Variants in HEATR1 observed in about 807,000 individuals in gnomAD.
HEATR1 encodes the protein HEAT repeat-containing protein 1.
Under a neutral mutation model 248.2 loss-of-function variants are expected in HEATR1, and 77 were observed. That is an observed-to-expected ratio of 0.31 (90% CI 0.26 to 0.37). HEATR1 has a LOEUF of 0.37. Among genes scored for constraint, HEATR1 ranks in the 10% least tolerant of loss-of-function variants. The pLI is 1.00. For synonymous variants in HEATR1, 897 were observed against 923.1 expected (o/e 0.97, Z 0.51); for missense variants, 2,420 against 2,504.9 (o/e 0.97, Z 0.72).
intron 3 of HEATR1, among the ~76,000 whole-genome samples, chr1:236,601,827 C>T (rs1026589496): frequency 1.3e-5 from 2 of 150,878 alleles, no homozygotes; most frequent in African/African-American, 2.4e-5. Context: ...TCCTGACACT[C>T]AATAAAATAA....
chr1:236,592,377 G>T, intron 10 of HEATR1, 146 bp downstream of exon 10: 1 of 590,698 alleles, frequency 1.7e-6, no homozygotes, highest in South Asian at 2.2e-5. Context: ...AAATATTTTT[G>T]ATTCCGATAC....
At chr1:236,582,271 A>AT (rs1355930489) in intron 19 of HEATR1, among the ~76,000 whole-genome samples, 4 of 151,188 alleles carry the variant, frequency 2.6e-5, no homozygotes, top group East Asian at 1.9e-4. Context: ...CACCCGGCTA[A>AT]TTTTTTTTGT....
intron 20 of HEATR1, among the ~76,000 whole-genome samples, chr1:236,577,784 G>A (rs1012074195): frequency 8.6e-5 from 13 of 152,032 alleles, no homozygotes; most frequent in Non-Finnish European, 1.5e-4. Context: ...CATCAAACCC[G>A]GCCAAATCAT....
In HEATR1 at chr1:236,586,066, G is replaced by T. The variant is rs531954902; in HGVS notation, c.1928-125C>A. 1.0e-3 allele frequency: 1,343 copies of T among 1,336,376 alleles called. 4 individuals are homozygous for T. Among genetic ancestry groups the T allele is most frequent in the Non-Finnish European group, 1.3e-3 (1,260 of 970,006 alleles). 82.8% of individuals were successfully genotyped at this position (1,336,376 alleles called of 1,614,324 possible). A position where few individuals can be genotyped will look rare whatever the true frequency, so the allele number is the denominator to read the frequency against. ...TTGCTTTCTATTTTTCCTTGTATCC[G>T]ATTCTGAATTTGTCTATGAATTGGC... is the stretch of plus-strand genomic sequence containing the variant. On this transcript the variant is annotated intron_variant, in intron 15 of 44. Transcript: ENST00000366582.
At chr1:236,573,378 T>C (rs920977247) in intron 24 of HEATR1, among the ~76,000 whole-genome samples, 6 of 152,214 alleles carry the variant, frequency 3.9e-5, no homozygotes, top group Non-Finnish European at 5.9e-5. Context: ...AGAGATTCTT[T>C]AGATATGGGG....
At position 236,554,649 on chromosome 1, in the gene HEATR1, A is replaced by G; in HGVS notation, c.6027T>C (p.His2009=). ...LYKIFLFDTQ[H]FISKERAEAL... Reference sequence around the variant, plus strand: ...CTTCTGCTCTCTCTTTACTTATAAAATGCTGGGTATCAAAAAGGAAGATTT... The same window carrying G: ...CTTCTGCTCTCTCTTTACTTATAAAGTGCTGGGTATCAAAAAGGAAGATTT... The change falls in exon 42 of 45, where the codon CAT becomes CAC. Residue 2009 remains histidine (H), a synonymous_variant. Transcript: ENST00000366582. The G allele has an allele frequency of 6.2e-7, 1 of 1,613,506 alleles. No individual in the cohort carries two copies.
intron 19 of HEATR1, among the ~76,000 whole-genome samples, chr1:236,582,016 T>C (rs980179798): frequency 2.1e-5 from 3 of 142,838 alleles, no homozygotes; most frequent in Non-Finnish European, 3.0e-5. Context: ...ACAGGGCCCG[T>C]GCTATTATAT....
chr1:236,579,298 T>A (rs554749370), intron 20 of HEATR1, among the ~76,000 whole-genome samples: 2 of 152,314 alleles, frequency 1.3e-5, no homozygotes, highest in South Asian at 2.1e-4. Flanking sequence ...AAAGCCCAAA[T>A]TCTTCCACAC....
At chr1:236,596,136 G>C (rs1199470973) in intron 6 of HEATR1, 92 bp from the exon 7 acceptor site, 2 of 947,260 alleles carry the variant, frequency 2.1e-6, no homozygotes, top group Non-Finnish European at 3.2e-6. Context: ...ATGTCATAGA[G>C]ATTAATACAA....
chr1:236,577,658 T>C (rs1055578185), intron 20 of HEATR1, among the ~76,000 whole-genome samples: 5 of 151,966 alleles, frequency 3.3e-5, no homozygotes, highest in Admixed American at 2.0e-4. Flanking sequence ...CCGGCTAATT[T>C]TGTATTTTTA....
chr1:236,567,761 T>C (rs532499078), intron 29 of HEATR1, among the ~76,000 whole-genome samples: 28 of 152,190 alleles, frequency 1.8e-4, no homozygotes, highest in African/African-American at 1.9e-4. Flanking sequence ...GAGGCAGTAA[T>C]GGCACATGCC....
intron 24 of HEATR1, among the ~76,000 whole-genome samples, chr1:236,573,657 GAAA>G (rs999569959): frequency 3.1e-4 from 47 of 151,746 alleles, no homozygotes; most frequent in Middle Eastern, 6.8e-3. Context: ...TTTCAGCAAA[GAAA>G]AAGAAGGAAA....
chr1:236,563,526 C>A (rs555344192), intron 32 of HEATR1, among the ~76,000 whole-genome samples: 105 of 152,240 alleles, frequency 6.9e-4, no homozygotes, highest in Non-Finnish European at 1.1e-3. Context: ...CCCGCCTCGG[C>A]CTCCCAAAGT....
chr1:236,563,692 T>A (rs1663196670), intron 32 of HEATR1, among the ~76,000 whole-genome samples: 1 of 152,242 alleles, frequency 6.6e-6, no homozygotes, highest in Admixed American at 6.5e-5. Flanking sequence ...TTTACAGTAC[T>A]CTAATGTCAA....
chr1:236,586,912 C>T (rs973546463), intron 14 of HEATR1, among the ~76,000 whole-genome samples: 1 of 152,006 alleles, frequency 6.6e-6, no homozygotes, highest in African/African-American at 2.4e-5. Context: ...TACAAAAACA[C>T]GTAAGACACA....
intron 12 of HEATR1, among the ~76,000 whole-genome samples, chr1:236,590,374 G>A (rs561330042): frequency 1.3e-5 from 2 of 152,138 alleles, no homozygotes; most frequent in South Asian, 2.1e-4. Flanking sequence ...ACCAAAGCGT[G>A]TGCCACCAAA....
Position 236,558,313 on chromosome 1 carries a change from C to T in HEATR1, c.5128G>A (p.Val1710Ile). The T allele has an allele frequency of 6.2e-7, 1 of 1,614,238 alleles. No individual in the cohort carries two copies. The highest frequency in any genetic ancestry group is 8.5e-7 in the Non-Finnish European group (1 of 1,180,046). Residue 1710 changes from valine to isoleucine, a missense_variant, in exon 36 of 45, where the codon GTC becomes ATC. By Grantham distance (29) the Val-to-Ile change is conservative. Transcript: ENST00000366582. The stretch of plus-strand genomic sequence containing the variant: ...ATGCACAGCAGCGCGCTTCCCAGGA[C>T]ATTCTTCTCCTCCTTTCTCTCTGGA... ...IAPERKEEKN[V>I]LGSALLCIAE...
At chr1:236,555,229 G>A in intron 41 of HEATR1, 67 bp downstream of exon 41, 2 of 1,518,156 alleles carry the variant, frequency 1.3e-6, no homozygotes, top group Non-Finnish European at 1.8e-6. Flanking sequence ...ACTAGGTTGT[G>A]TCTTACTGGT....
chr1:236,585,842 T>G lies in HEATR1; in HGVS notation c.2027A>C (p.Asp676Ala), dbSNP rs747100163. The change falls in exon 16 of 45, where the codon GAT becomes GCT. Residue 676 changes from aspartate to alanine, a missense_variant. By Grantham distance (126) the Asp-to-Ala change is moderately radical (BLOSUM62 -2). Transcript: ENST00000366582. Reference sequence around the variant, plus strand: ...TACCATCTTTAACATTGAAGAAGGATCTCCTAAATTTATATTATCAGCCAA... The same window carrying G: ...TACCATCTTTAACATTGAAGAAGGAGCTCCTAAATTTATATTATCAGCCAA... ...ELLADNINLGDPSSMLKMVED... is the reference protein window; with the variant it reads ...ELLADNINLGAPSSMLKMVED... 1 of 1,612,566 alleles carries G rather than the reference T, an allele frequency of 6.2e-7. No homozygotes were observed.
Sources: gnomAD v4.1 joint callset for allele counts (sites outside exome capture counted in the v4.1 genomes callset) on GRCh38, gnomAD v4.1.1 for gene constraint, MANE v1.5 for transcripts, NCBI Gene and HGNC (gene_info 2026-07-23, HGNC 2026-07-21) for gene names.